CNTNAP2: variants seen among roughly 807,000 people sequenced by gnomAD.
CNTNAP2 encodes contactin associated protein 2, also known as contactin-associated protein-like 2.
A neutral mutation model predicts 155.2 loss-of-function variants in CNTNAP2; 98 were observed. That is an observed-to-expected ratio of 0.63 (90% CI 0.54 to 0.75). The LOEUF (loss-of-function observed/expected upper bound fraction) is 0.75. CNTNAP2 is among the 30% of genes least tolerant of loss of function. The probability of loss-of-function intolerance (pLI) is 0.00; values close to 1 mark genes in which losing one functional copy is unlikely to be tolerated. For missense variants in CNTNAP2, 1,727 were observed against 1,688.1 expected (o/e 1.02, Z -0.40); for synonymous variants, 651 against 631.2 (o/e 1.03, Z -0.47).
intron 9 of CNTNAP2, among the ~76,000 whole-genome samples, chr7:147,333,696 A>G (rs13231364): frequency 1.3e-5 from 2 of 152,092 alleles, no homozygotes; most frequent in South Asian, 4.1e-4. Flanking sequence ...ATTGGTTAAT[A>G]GATTTATCCT....
intron 15 of CNTNAP2, among the ~76,000 whole-genome samples, chr7:148,024,180 CTTT>C (rs1802336603): frequency 3.6e-5 from 2 of 55,070 alleles, no homozygotes; most frequent in Admixed American, 1.7e-4. Context: ...AAAAAAAAAA[CTTT>C]ATAACATCCT....
At chr7:147,152,133 A>G (rs1801839528) in intron 8 of CNTNAP2, among the ~76,000 whole-genome samples, 1 of 152,162 alleles carries the variant, frequency 6.6e-6, no homozygotes, top group African/African-American at 2.4e-5. Context: ...TTTATAGCAA[A>G]GACAATGACT....
intron 12 of CNTNAP2, among the ~76,000 whole-genome samples, chr7:147,606,996 C>T (rs1008054960): frequency 6.6e-6 from 1 of 151,922 alleles, no homozygotes; most frequent in Non-Finnish European, 1.5e-5. Flanking sequence ...AAGTTGAGAA[C>T]ACCAATTTTA....
At chr7:146,871,739 T>A (rs1795313300) in intron 3 of CNTNAP2, among the ~76,000 whole-genome samples, 1 of 152,088 alleles carries the variant, frequency 6.6e-6, no homozygotes, top group Non-Finnish European at 1.5e-5. Context: ...GTATTTTTGG[T>A]TATAAATCAT....
At chr7:148,260,678 C>T (rs915160826) in intron 20 of CNTNAP2, among the ~76,000 whole-genome samples, 1 of 152,208 alleles carries the variant, frequency 6.6e-6, no homozygotes, top group African/African-American at 2.4e-5. Flanking sequence ...TTCCTAGTGG[C>T]CCCCTAGGGC....
chr7:146,123,022 C>T (rs1463192418), intron 1 of CNTNAP2, among the ~76,000 whole-genome samples: 1 of 152,156 alleles, frequency 6.6e-6, no homozygotes, highest in African/African-American at 2.4e-5. Flanking sequence ...TTGGAGGTAG[C>T]TATTCATAAT....
At chr7:147,324,420 C>G (rs554996559) in intron 9 of CNTNAP2, among the ~76,000 whole-genome samples, 1 of 152,290 alleles carries the variant, frequency 6.6e-6, no homozygotes, top group African/African-American at 2.4e-5. Flanking sequence ...TTAAAGAACT[C>G]TAAGTTGCAT....
intron 13 of CNTNAP2, among the ~76,000 whole-genome samples, chr7:147,655,243 C>T (rs1462500211): frequency 6.6e-6 from 1 of 152,200 alleles, no homozygotes; most frequent in Non-Finnish European, 1.5e-5. Flanking sequence ...CTGCCTCAGC[C>T]TCCTGAGTAG....
intron 12 of CNTNAP2, among the ~76,000 whole-genome samples, chr7:147,602,754 T>G (rs1800977886): frequency 6.6e-6 from 1 of 151,970 alleles, no homozygotes; most frequent in South Asian, 2.1e-4. Flanking sequence ...GTTTTTTGTC[T>G]TTGTGATAGT....
chr7:146,773,574 T>A (rs1241020542), intron 1 of CNTNAP2, among the ~76,000 whole-genome samples: 1 of 152,158 alleles, frequency 6.6e-6, no homozygotes, highest in African/African-American at 2.4e-5. Flanking sequence ...TTATCATTTT[T>A]AGTAGAGATG....
At chr7:147,455,297 C>T (rs2116576300) in intron 10 of CNTNAP2, among the ~76,000 whole-genome samples, 1 of 152,184 alleles carries the variant, frequency 6.6e-6, no homozygotes, top group South Asian at 2.1e-4. Context: ...TCTATGTTTT[C>T]ACTAGCAGAA....
chr7:147,138,695 T>G (rs1223111536), intron 8 of CNTNAP2, among the ~76,000 whole-genome samples: 2 of 152,004 alleles, frequency 1.3e-5, no homozygotes, highest in Non-Finnish European at 2.9e-5. Flanking sequence ...ACTTATTCTT[T>G]AGAAAGCAAA....
intron 1 of CNTNAP2, among the ~76,000 whole-genome samples, chr7:146,358,862 G>A (rs1306681780): frequency 6.6e-6 from 1 of 152,224 alleles, no homozygotes; most frequent in Non-Finnish European, 1.5e-5. Flanking sequence ...GCTGGGTTAT[G>A]AGGCTGGAGT....
At chr7:147,560,685 A>T (rs1316016051) in intron 11 of CNTNAP2, among the ~76,000 whole-genome samples, 1 of 151,852 alleles carries the variant, frequency 6.6e-6, no homozygotes, top group East Asian at 1.9e-4. Flanking sequence ...CTGTATCTGC[A>T]ATGCCTAACG....
At chr7:148,017,246 G>A (rs966072957) in intron 15 of CNTNAP2, among the ~76,000 whole-genome samples, 1 of 152,174 alleles carries the variant, frequency 6.6e-6, no homozygotes, top group Admixed American at 6.5e-5. Context: ...CTGTCAAAAT[G>A]TTTACTAAAA....
intron 4 of CNTNAP2, among the ~76,000 whole-genome samples, chr7:147,049,567 C>T (rs1406253465): frequency 6.6e-6 from 1 of 152,094 alleles, no homozygotes; most frequent in Admixed American, 6.5e-5. Context: ...CACAGCCCCC[C>T]ATTTTGGCTT....
chr7:147,404,405 G>T (rs1252927249), intron 10 of CNTNAP2, among the ~76,000 whole-genome samples: 1 of 152,162 alleles, frequency 6.6e-6, no homozygotes, highest in Non-Finnish European at 1.5e-5. Flanking sequence ...ATAGAAAAAC[G>T]TCAGTTTTCT....
At chr7:146,697,514 T>C (rs565526045) in intron 1 of CNTNAP2, among the ~76,000 whole-genome samples, 9 of 152,284 alleles carry the variant, frequency 5.9e-5, no homozygotes, top group African/African-American at 2.2e-4. Flanking sequence ...GCGGGGATCA[T>C]AGGCGTGAGC....
At chr7:147,974,139 A>G (rs567348650) in intron 14 of CNTNAP2, among the ~76,000 whole-genome samples, 57 of 152,218 alleles carry the variant, frequency 3.7e-4, no homozygotes, top group Non-Finnish European at 5.7e-4. Context: ...CTTAAAAATT[A>G]TATTTCCAAA....
Sources: allele counts gnomAD v4.1 joint callset (sites outside exome capture counted in the v4.1 genomes callset), GRCh38; gene constraint gnomAD v4.1.1; transcripts MANE v1.5; gene names NCBI Gene and HGNC (gene_info 2026-07-23, HGNC 2026-07-21).